LURAP1L: variants seen among roughly 807,000 people sequenced by gnomAD.
LURAP1L encodes the protein leucine rich adaptor protein 1-like.
LURAP1L carries 12 observed loss-of-function variants against 13.8 expected under a neutral mutation model. That is an observed-to-expected ratio of 0.87 (90% CI 0.56 to 1.41). The LOEUF (loss-of-function observed/expected upper bound fraction) is 1.41. Ranked by LOEUF, LURAP1L falls within the 40% of genes most tolerant of loss-of-function variation. LURAP1L has a pLI of 0.00. For synonymous variants in LURAP1L, 139 were observed against 119.2 expected, an observed-to-expected ratio of 1.17 and a Z score of -1.08; for missense variants, 375 against 292.9, an observed-to-expected ratio of 1.28 and a Z score of -2.04.
intron 1 of LURAP1L, among the ~76,000 whole-genome samples, chr9:12,818,057 G>A (rs1018495470): frequency 8.6e-5 from 13 of 150,314 alleles, no homozygotes; most frequent in African/African-American, 1.5e-4. Context: ...AGATCAACAC[G>A]TTCTAACTGA....
chr9:12,803,882 A>T (rs930762144), intron 1 of LURAP1L, among the ~76,000 whole-genome samples: 1 of 152,194 alleles, frequency 6.6e-6, no homozygotes, highest in Non-Finnish European at 1.5e-5. Context: ...TTTGTGGAAA[A>T]TAAAATGTAA....
intron 1 of LURAP1L, among the ~76,000 whole-genome samples, chr9:12,801,064 C>T (rs1209028815): frequency 6.6e-6 from 1 of 151,916 alleles, no homozygotes; most frequent in African/African-American, 2.4e-5. Flanking sequence ...GGTATAAAAG[C>T]AATTGAAAAT....
At chr9:12,777,115 C>A in intron 1 of LURAP1L, 1 of 481,808 alleles carries the variant, frequency 2.1e-6, no homozygotes. Context: ...TTCTATCACT[C>A]CGACAGGAAT....
At chr9:12,782,344 T>C (rs1819284712) in intron 1 of LURAP1L, among the ~76,000 whole-genome samples, 1 of 152,248 alleles carries the variant, frequency 6.6e-6, no homozygotes, top group Non-Finnish European at 1.5e-5. Flanking sequence ...AGCAATGTTA[T>C]AGAGAGTTTC....
intron 1 of LURAP1L, among the ~76,000 whole-genome samples, chr9:12,800,894 A>G (rs1819577243): frequency 6.6e-6 from 1 of 152,184 alleles, no homozygotes; most frequent in Non-Finnish European, 1.5e-5. Context: ...AGTAACCGGC[A>G]GCACAGCAGT....
intron 1 of LURAP1L, among the ~76,000 whole-genome samples, chr9:12,781,719 A>C (rs1819274033): frequency 6.6e-6 from 1 of 152,240 alleles, no homozygotes; most frequent in African/African-American, 2.4e-5. Flanking sequence ...CAATAGACAC[A>C]GGAGTGAAGA....
In LURAP1L at chr9:12,775,626, G is replaced by C; in HGVS notation, c.-90G>C. 1.3e-6 allele frequency: 2 copies of C among 1,488,280 alleles called. No individual in the cohort carries two copies. The allele number at this position is 1,488,280 out of a possible 1,614,324, so 92.2% of individuals were successfully genotyped here. ...GAGGATAGAGACCCTGGCCCCCGGAGAGGTCTGCTGATTTCGCAGCAGCCT... is the reference window on the plus strand; with the variant it reads ...GAGGATAGAGACCCTGGCCCCCGGACAGGTCTGCTGATTTCGCAGCAGCCT... On this transcript the variant is annotated 5_prime_UTR_variant, in exon 1 of 2. Transcript: ENST00000319264.
intron 1 of LURAP1L, among the ~76,000 whole-genome samples, chr9:12,817,949 G>C (rs912331019): frequency 6.6e-6 from 1 of 152,088 alleles, no homozygotes; most frequent in African/African-American, 2.4e-5. Flanking sequence ...GCCAGCGTGT[G>C]AACTGACGTG....
At chr9:12,782,556 G>A (rs1586874782) in intron 1 of LURAP1L, among the ~76,000 whole-genome samples, 1 of 152,164 alleles carries the variant, frequency 6.6e-6, no homozygotes, top group Non-Finnish European at 1.5e-5. Flanking sequence ...GTAGGTATGT[G>A]AATTTGTTTG....
intron 1 of LURAP1L, among the ~76,000 whole-genome samples, chr9:12,820,514 C>CCCA (rs1554659926): frequency 7.2e-5 from 3 of 41,726 alleles, no homozygotes; most frequent in Non-Finnish European, 1.6e-4. Context: ...CCCCCCCCCC[C>CCCA]AAAAAAAAAA....
intron 1 of LURAP1L, among the ~76,000 whole-genome samples, chr9:12,783,108 G>A (rs1452338803): frequency 6.6e-6 from 1 of 151,698 alleles, no homozygotes; most frequent in Admixed American, 6.6e-5. Flanking sequence ...ATTTCTTGGT[G>A]GAGTCTTCAG....
At chr9:12,777,098 A>C in intron 1 of LURAP1L, 25 of 338,788 alleles carry the variant, frequency 7.4e-5, no homozygotes, top group Middle Eastern at 1.6e-3. Flanking sequence ...AAAGTAGGCT[A>C]GGAGATTTCT....
At position 12,797,982 on chromosome 9, in the gene LURAP1L, C is replaced by T. The variant is rs190526905; in HGVS notation, c.312+21955C>T. Among the ~76,000 whole-genome samples the T allele has an allele frequency of 3.3e-3, 505 of 152,064 alleles. 1 individual carries two copies. The highest frequency in any genetic ancestry group is 0.011 in the African/African-American group (457 of 41,500). On this transcript the variant is annotated intron_variant, in intron 1 of 1. Coordinates refer to ENST00000319264, the MANE Select transcript of LURAP1L (RefSeq NM_203403.2). ...TAATGAAATTTTCCCTAAAAATGAA[C>T]GGTAATTTAGATGCTAGTTCATGGG... is the stretch of plus-strand genomic sequence containing the variant.
At chr9:12,820,940 T>A (rs1486823946) in intron 1 of LURAP1L, among the ~76,000 whole-genome samples, 3 of 152,214 alleles carry the variant, frequency 2.0e-5, no homozygotes, top group Non-Finnish European at 4.4e-5. Flanking sequence ...TATCACTCCA[T>A]AATCAGAGGC....
intron 1 of LURAP1L, among the ~76,000 whole-genome samples, chr9:12,798,785 T>G (rs1244340705): frequency 1.3e-5 from 2 of 152,204 alleles, no homozygotes; most frequent in African/African-American, 2.4e-5. Context: ...AGTGCATGAC[T>G]TTTAGGTAAC....
chr9:12,814,035 G>A (rs2118543146), intron 1 of LURAP1L, among the ~76,000 whole-genome samples: 1 of 152,260 alleles, frequency 6.6e-6, no homozygotes. Context: ...TGTCAAGTGT[G>A]TGTTATACAT....
chr9:12,819,876 C>A (rs899717834), intron 1 of LURAP1L, among the ~76,000 whole-genome samples: 1 of 152,074 alleles, frequency 6.6e-6, no homozygotes. Flanking sequence ...ATAATTTGAA[C>A]CCAGGAGGCG....
Position 12,821,273 on chromosome 9 carries a change from T to A in LURAP1L, c.313-113T>A. ...GTTCCTGACAACCAGTCCACTTATA[T>A]TTTATTCTGTGAATTTAAAATTCTG... On this transcript the variant is annotated intron_variant, in intron 1 of 1. Transcript: ENST00000319264. 5 of 1,238,148 alleles carry A rather than the reference T, an allele frequency of 4.0e-6. No homozygotes were observed. The South Asian group carries it at 4.4e-5, about 11-fold the overall frequency. The allele number at this position is 1,238,148 out of a possible 1,614,324, so 76.7% of individuals were successfully genotyped here. A position where few individuals can be genotyped will look rare whatever the true frequency, so the allele number is the denominator to read the frequency against.
chr9:12,810,402 T>C (rs1309938134), intron 1 of LURAP1L, among the ~76,000 whole-genome samples: 2 of 152,212 alleles, frequency 1.3e-5, no homozygotes, highest in Non-Finnish European at 2.9e-5. Context: ...AGGGCTGCAA[T>C]TTAGCCAATG....
Sources: gnomAD v4.1 joint callset for allele counts (sites outside exome capture counted in the v4.1 genomes callset) on GRCh38, gnomAD v4.1.1 for gene constraint, MANE v1.5 for transcripts, NCBI Gene and HGNC (gene_info 2026-07-23, HGNC 2026-07-21) for gene names.